FTCDNL1: variants seen among roughly 807,000 people sequenced by gnomAD.
The protein encoded by FTCDNL1 is formiminotransferase N-terminal subdomain-containing protein.
FTCDNL1 carries 11 observed loss-of-function variants against 5.9 expected under a neutral mutation model. The ratio of observed to expected loss-of-function variants is 1.87; its 90% CI spans 1.18 to 3.10. The LOEUF is 3.10. FTCDNL1 is among the 30% of genes most tolerant of loss of function. The pLI, the probability that FTCDNL1 is intolerant of heterozygous loss-of-function variation, is 0.00. For synonymous variants in FTCDNL1, 58 were observed against 24.8 expected (o/e 2.34, Z -3.99); for missense variants, 115 against 65.5 (o/e 1.76, Z -2.61).
At chr2:199,817,858 C>G (rs1282848535) in intron 4 of FTCDNL1, among the ~76,000 whole-genome samples, 2 of 152,002 alleles carry the variant, frequency 1.3e-5, no homozygotes, top group Non-Finnish European at 2.9e-5. Flanking sequence ...ATTATCCAAC[C>G]ACAGGCAGGT....
At chr2:199,768,924 C>A (rs866684530) in intron 3 of FTCDNL1, among the ~76,000 whole-genome samples, 2 of 152,148 alleles carry the variant, frequency 1.3e-5, no homozygotes, top group African/African-American at 4.8e-5. Flanking sequence ...GGCACCCTCA[C>A]CATGGCCAGG....
Position 199,809,350 on chromosome 2 carries a change from C to T in FTCDNL1, c.*3355G>A, listed in dbSNP as rs886128969. Among the ~76,000 whole-genome samples the T allele has an allele frequency of 4.0e-5, 6 of 151,756 alleles. No homozygotes were observed. Among genetic ancestry groups the T allele is most frequent in the African/African-American group, 1.5e-4 (6 of 41,314 alleles). On this transcript the variant is annotated 3_prime_UTR_variant, in exon 5 of 5. Coordinates refer to ENST00000420128, the MANE Select transcript of FTCDNL1 (RefSeq NM_001363886.2). Reference sequence around the variant, plus strand: ...AAGTGATCCTCCTACCTTGGCCTCCCAAAGTGCTGGGATTACAGGAATGAG... The same window carrying T: ...AAGTGATCCTCCTACCTTGGCCTCCTAAAGTGCTGGGATTACAGGAATGAG...
At chr2:199,814,097 A>T (rs1009010224) in intron 4 of FTCDNL1, among the ~76,000 whole-genome samples, 1 of 152,164 alleles carries the variant, frequency 6.6e-6, no homozygotes, top group Admixed American at 6.5e-5. Flanking sequence ...CTCAGAACTC[A>T]GGTTCAAAAA....
rs1234718658 is a variant in FTCDNL1, at chr2:199,811,812, T to C, written c.*893A>G. On this transcript the variant is annotated 3_prime_UTR_variant, in exon 5 of 5. Coordinates refer to ENST00000420128, the MANE Select transcript of FTCDNL1 (RefSeq NM_001363886.2). ...ATCATTCTTGCTATAAATGAACTCA[T>C]TGCCTAAGACAAATTATTAAAGATA... 6.6e-6 allele frequency among the ~76,000 whole-genome samples: 1 copy of C among 152,170 alleles called. No homozygotes were observed. Among genetic ancestry groups the C allele is most frequent in the African/African-American group, 2.4e-5 (1 of 41,442 alleles).
At chr2:199,751,241 G>A in the FTCDNL1 span, among the ~76,000 whole-genome samples, 1 of 152,226 alleles carries the variant, frequency 6.6e-6, no homozygotes, top group African/African-American at 2.4e-5. Flanking sequence ...GCTTTCTGAA[G>A]AGCTCAATGA....
At chr2:199,760,865 T>A (rs151048082) in intron 3 of FTCDNL1, 2 of 702,182 alleles carry the variant, frequency 2.8e-6, no homozygotes, top group South Asian at 3.0e-5. Context: ...AGATTAGTAT[T>A]TGGAAGAGAA....
the FTCDNL1 span, among the ~76,000 whole-genome samples, chr2:199,717,584 G>T: frequency 1.8e-4 from 22 of 122,094 alleles, no homozygotes; most frequent in African/African-American, 6.0e-4. Flanking sequence ...TCATTTCACA[G>T]AATAATATAC....
rs369948631 is a variant in FTCDNL1 at position 199,768,585 on chromosome 2, T to A, written c.212-7750A>T. Among the ~76,000 whole-genome samples the A allele has an allele frequency of 4.7e-5, 7 of 148,338 alleles. 1 individual carries two copies. The South Asian group carries it at 6.6e-4, about 14-fold the overall frequency. ...CATAGTTGAGATTAGTTTTTTTTTT[T>A]AATTAGGAAATCAGAAGGAAGAATA... On this transcript the variant is annotated intron_variant, in intron 3 of 3. Transcript: ENST00000416668.
the FTCDNL1 span, among the ~76,000 whole-genome samples, chr2:199,717,264 G>A: frequency 6.6e-6 from 1 of 152,288 alleles, no homozygotes; most frequent in East Asian, 1.9e-4. Flanking sequence ...TGTCCGTGTA[G>A]TCTGTATTGC....
chr2:199,834,706 G>GGAACCAGTGT (rs1702598761), intron 3 of FTCDNL1, among the ~76,000 whole-genome samples: 1 of 152,138 alleles, frequency 6.6e-6, no homozygotes, highest in African/African-American at 2.4e-5. Context: ...TTCCAAATGT[G>GGAACCAGTGT]GGAAAGGAAG....
chr2:199,693,065 T>C, the FTCDNL1 span, among the ~76,000 whole-genome samples: 72 of 152,330 alleles, frequency 4.7e-4, 1 homozygote, highest in Non-Finnish European at 8.4e-4. Flanking sequence ...GGAAACAGGA[T>C]AGAATACTTT....
the FTCDNL1 span, among the ~76,000 whole-genome samples, chr2:199,735,514 G>A: frequency 2.0e-5 from 3 of 152,034 alleles, no homozygotes; most frequent in Non-Finnish European, 4.4e-5. Flanking sequence ...GCTTAAATTA[G>A]TACGGGGTCC....
chr2:199,813,819 G>A (rs1701179115), intron 4 of FTCDNL1, among the ~76,000 whole-genome samples: 1 of 149,280 alleles, frequency 6.7e-6, no homozygotes, highest in Admixed American at 6.8e-5. Flanking sequence ...GCTGAGGCAG[G>A]AGAATCACTT....
intron 3 of FTCDNL1, among the ~76,000 whole-genome samples, chr2:199,829,383 A>T (rs1024304090): frequency 1.3e-5 from 2 of 152,204 alleles, no homozygotes; most frequent in Non-Finnish European, 2.9e-5. Flanking sequence ...GTCATTTCTA[A>T]ATATGAATAT....
chr2:199,730,576 C>T, the FTCDNL1 span, among the ~76,000 whole-genome samples: 378 of 152,160 alleles, frequency 2.5e-3, 5 homozygotes, highest in African/African-American at 8.6e-3. Context: ...ATGCAGCCAA[C>T]AAACATGTGA....
the FTCDNL1 span, among the ~76,000 whole-genome samples, chr2:199,690,382 C>T: frequency 6.6e-6 from 1 of 152,204 alleles, no homozygotes. Flanking sequence ...TTCTGCCTAG[C>T]CCCTGCATCC....
chr2:199,701,471 G>A, the FTCDNL1 span, among the ~76,000 whole-genome samples: 81,769 of 151,658 alleles, frequency 0.54, 23,965 homozygotes, highest in South Asian at 0.69. Flanking sequence ...TGGAATTAAA[G>A]GAATATAAAT....
intron 3 of FTCDNL1, among the ~76,000 whole-genome samples, chr2:199,825,295 CA>C (rs1701961210): frequency 6.6e-6 from 1 of 152,050 alleles, no homozygotes; most frequent in Non-Finnish European, 1.5e-5. Context: ...AGGGTTGCCA[CA>C]AACCTTTAAT....
intron 3 of FTCDNL1, among the ~76,000 whole-genome samples, chr2:199,843,193 C>T (rs2076637920): frequency 1.3e-5 from 2 of 152,084 alleles, no homozygotes; most frequent in African/African-American, 4.8e-5. Context: ...ACAGTAGCTG[C>T]CAATGAAGCA....
Sources: gnomAD v4.1 joint callset for allele counts (sites outside exome capture counted in the v4.1 genomes callset) on GRCh38, gnomAD v4.1.1 for gene constraint, MANE v1.5 for transcripts, NCBI Gene and HGNC (gene_info 2026-07-23, HGNC 2026-07-21) for gene names.